The following COL18A1 variants were observed in gnomAD, a reference collection of about 807,000 sequenced individuals.
The protein encoded by COL18A1 is collagen type XVIII alpha 1 chain.
In COL18A1, 133 loss-of-function variants were observed where a neutral mutation model predicts 168.0. That is an observed-to-expected ratio of 0.79 (90% CI 0.69 to 0.91). The LOEUF is 0.91. Ranked by LOEUF, COL18A1 falls within the 40% of genes least tolerant of loss-of-function variation. The probability of loss-of-function intolerance (pLI) is 0.00; values close to 1 mark genes in which losing one functional copy is unlikely to be tolerated. For synonymous variants in COL18A1, 949 were observed against 809.0 expected (o/e 1.17, Z -2.94); for missense variants, 2,126 against 1,925.4 (o/e 1.10, Z -1.95).
At chr21:45,432,436 A>G (rs534037872) in intron 2 of COL18A1, among the ~76,000 whole-genome samples, 3 of 152,324 alleles carry the variant, frequency 2.0e-5, no homozygotes, top group East Asian at 3.9e-4. Context: ...CCCTCTGCAC[A>G]GGGCCTGGAG....
At chr21:45,456,688 C>T in intron 2 of COL18A1, 1 of 1,532,132 alleles carries the variant, frequency 6.5e-7, no homozygotes, top group South Asian at 1.2e-5. Context: ...CCTTCCTCGC[C>T]TGGTTCTTCT....
chr21:45,504,054 G>A lies in COL18A1; in HGVS notation c.2727G>A (p.Lys909=), dbSNP rs777297147. Residue 909 remains lysine, a splice_region_variant and synonymous_variant, in exon 33 of 42, where the codon AAG becomes AAA. Coordinates refer to ENST00000651438, the MANE Select transcript of COL18A1 (RefSeq NM_001379500.1). ...FDFLQLEAEM[K]GEKGDRGDAG... ...TTCTTCAGTTGGAGGCTGAAATGAA[G>A]GTGGGTGACCTCCCTGTGGGGTTGG... 6 of 1,613,532 alleles carry A rather than the reference G, an allele frequency of 3.7e-6. No individual in the cohort carries two copies. In the African/African-American group the frequency reaches 5.3e-5, roughly 14 times the overall value.
intron 32 of COL18A1, 190 bp from the exon 33 acceptor site, chr21:45,503,817 AAAAT>A (rs1420116751): frequency 3.1e-5 from 12 of 381,284 alleles, no homozygotes. Flanking sequence ...AAATAAAATA[AAAAT>A]AAAAAGGCAC....
chr21:45,456,360 C>T (rs1334656303), intron 2 of COL18A1: 8 of 1,550,068 alleles, frequency 5.2e-6, no homozygotes, highest in Admixed American at 2.0e-5. Context: ...AAGCACGCGG[C>T]CCCCTCCGCC....
intron 2 of COL18A1, among the ~76,000 whole-genome samples, chr21:45,453,956 G>C (rs1390035479): frequency 6.6e-6 from 1 of 152,208 alleles, no homozygotes; most frequent in Non-Finnish European, 1.5e-5. Flanking sequence ...CCCCACAACA[G>C]AGTTCCCTTC....
chr21:45,488,397 G>T (rs757708804), intron 17 of COL18A1, 21 bp from the exon 18 acceptor site: 21 of 1,613,618 alleles, frequency 1.3e-5, no homozygotes, highest in African/African-American at 6.7e-5. Flanking sequence ...CACTAACACT[G>T]TGTCTCCTCT....
At chr21:45,489,589 C>G in intron 19 of COL18A1, 68 bp downstream of exon 19, 3 of 1,073,940 alleles carry the variant, frequency 2.8e-6, no homozygotes, top group Non-Finnish European at 4.1e-6. Flanking sequence ...CGGACACCTG[C>G]GGAGATCAGC....
intron 2 of COL18A1, among the ~76,000 whole-genome samples, chr21:45,428,886 C>T (rs1043068621): frequency 4.0e-5 from 6 of 151,094 alleles, no homozygotes; most frequent in African/African-American, 1.5e-4. Flanking sequence ...GAGACTATAG[C>T]TTGCTTTCTT....
At chr21:45,442,599 GCTGGTGTGGGCGGCGGTC>G (rs2034398943) in intron 2 of COL18A1, among the ~76,000 whole-genome samples, 8 of 151,108 alleles carry the variant, frequency 5.3e-5, no homozygotes, top group Non-Finnish European at 1.0e-4. Context: ...GGGCGGTGGT[GCTGGTGTGGGCGGCGGTC>G]CTGGTGTGGG....
chr21:45,433,673 A>G (rs1804752159), intron 2 of COL18A1, among the ~76,000 whole-genome samples: 1 of 152,224 alleles, frequency 6.6e-6, no homozygotes, highest in Non-Finnish European at 1.5e-5. Flanking sequence ...TGGAGCCCCC[A>G]GCAGCTCACA....
At chr21:45,504,784 C>T (rs1455060647) in intron 34 of COL18A1, among the ~76,000 whole-genome samples, 1 of 152,130 alleles carries the variant, frequency 6.6e-6, no homozygotes, top group Non-Finnish European at 1.5e-5. Flanking sequence ...ATGGCCTGCC[C>T]TCCTGCTGGG....
At chr21:45,426,125 G>C (rs1382414493) in intron 2 of COL18A1, among the ~76,000 whole-genome samples, 1 of 151,824 alleles carries the variant, frequency 6.6e-6, no homozygotes, top group East Asian at 1.9e-4. Context: ...CTTTTTTTGA[G>C]ACAGAGTCTC....
intron 2 of COL18A1, chr21:45,422,683 G>A: frequency 3.1e-6 from 1 of 321,720 alleles, no homozygotes; most frequent in Non-Finnish European, 6.2e-6. Flanking sequence ...AGGGGAGGTA[G>A]CGGCCCCAGG....
chr21:45,493,340 C>A, intron 25 of COL18A1, 115 bp downstream of exon 25: 3 of 1,322,834 alleles, frequency 2.3e-6, no homozygotes, highest in Non-Finnish European at 3.2e-6. Flanking sequence ...TGCTGTGACA[C>A]GTGAGGGGTA....
intron 2 of COL18A1, among the ~76,000 whole-genome samples, chr21:45,407,177 C>T (rs997592370): frequency 2.0e-5 from 3 of 152,268 alleles, no homozygotes; most frequent in Non-Finnish European, 4.4e-5. Flanking sequence ...AATGGGAAAA[C>T]AGTCGCCCCC....
rs750142760 is a variant in COL18A1, at chr21:45,480,788, A to C, written c.1541A>C (p.Asp514Ala). 1 of 1,611,336 alleles carries C rather than the reference A, an allele frequency of 6.2e-7. No homozygotes were observed. The highest frequency in any genetic ancestry group is 1.1e-5 in the South Asian group (1 of 91,040). Residue 514 changes from aspartate (D) to alanine (A), a missense_variant, in exon 13 of 42, where the codon GAC (aspartate) becomes GCC (alanine). Asp to Ala is a moderately radical substitution (Grantham distance 126). Coordinates refer to ENST00000651438, the MANE Select transcript of COL18A1 (RefSeq NM_001379500.1). ...EPGRFGVNSS[D>A]VPGPAGLPGV... ...GGCCGCTTTGGGGTGAACAGCTCCGACGTCCCAGGACCCGCCGGCCTTCCT... is the reference window on the plus strand; with the variant it reads ...GGCCGCTTTGGGGTGAACAGCTCCGCCGTCCCAGGACCCGCCGGCCTTCCT...
intron 4 of COL18A1, among the ~76,000 whole-genome samples, chr21:45,475,226 G>C (rs113259422): frequency 3.6e-3 from 549 of 152,334 alleles, no homozygotes; most frequent in African/African-American, 0.013. Context: ...ACCACCGGCC[G>C]AGGCAGGTTC....
chr21:45,452,365 G>A (rs998612637), intron 2 of COL18A1, among the ~76,000 whole-genome samples: 1 of 152,236 alleles, frequency 6.6e-6, no homozygotes, highest in African/African-American at 2.4e-5. Context: ...ACATGTGTAA[G>A]CATGTATGTG....
intron 2 of COL18A1, among the ~76,000 whole-genome samples, chr21:45,413,774 TGCCTGG>T (rs60803510): frequency 0.71 from 107,925 of 151,356 alleles, 38,558 homozygotes; most frequent in East Asian, 0.86. Flanking sequence ...CCAGCACTTG[TGCCTGG>T]GCCTTTGCAG....
Sources: gnomAD v4.1 joint callset for allele counts (sites outside exome capture counted in the v4.1 genomes callset) on GRCh38, gnomAD v4.1.1 for gene constraint, MANE v1.5 for transcripts, NCBI Gene and HGNC (gene_info 2026-07-23, HGNC 2026-07-21) for gene names.